Variants in LRRC69 observed in about 807,000 individuals in gnomAD.
LRRC69 encodes leucine rich repeat containing 69.
In LRRC69, 42 loss-of-function variants were observed where a neutral mutation model predicts 37.8. The ratio of observed to expected loss-of-function variants is 1.11; its 90% CI spans 0.87 to 1.44. The LOEUF (loss-of-function observed/expected upper bound fraction) is 1.44, where lower values mean the gene tolerates loss of function less well. Among genes scored for constraint, LRRC69 ranks in the 40% most tolerant of loss-of-function variants. The pLI, the probability that LRRC69 is intolerant of heterozygous loss-of-function variation, is 0.00. For missense variants in LRRC69, 357 were observed against 401.9 expected (o/e 0.89, Z 0.96); for synonymous variants, 141 against 143.1 (o/e 0.99, Z 0.11).
At chr8:91,128,236 G>A (rs1453630717) in intron 3 of LRRC69, among the ~76,000 whole-genome samples, 1 of 151,902 alleles carries the variant, frequency 6.6e-6, no homozygotes. Flanking sequence ...TTGAACTGCT[G>A]CCTTCTCATC....
In LRRC69 at chr8:91,203,190, G is replaced by A. The variant is rs1563624431; in HGVS notation, c.933+2398G>A. ...CTGTTAGGCATGCTGGGAAGTCTAG[G>A]ACTCATTGTTAGCTGTGAGTGTGTG... On this transcript the variant is annotated intron_variant, in intron 7 of 7. Transcript: ENST00000448384. Among the ~76,000 whole-genome samples, 6 of 152,008 alleles carry A rather than the reference G, an allele frequency of 3.9e-5. No homozygotes were observed. In the South Asian group the frequency reaches 1.0e-3, roughly 26 times the overall value.
At chr8:91,215,452 A>G (rs1310025320) in intron 7 of LRRC69, among the ~76,000 whole-genome samples, 2 of 152,314 alleles carry the variant, frequency 1.3e-5, no homozygotes, top group South Asian at 4.1e-4. Context: ...CAATTCTACC[A>G]TTCAACAAAC....
chr8:91,212,040 T>C lies in LRRC69; in HGVS notation c.934-6850T>C, dbSNP rs112148369. 4.2e-3 allele frequency among the ~76,000 whole-genome samples: 634 copies of C among 152,286 alleles called. 2 individuals carry two copies. Among genetic ancestry groups the C allele is most frequent in the African/African-American group, 0.014 (597 of 41,576 alleles). Reference sequence around the variant, plus strand: ...TGATCATAATTAATCCAGATGCTTTTGTCTTTTTCTAAATGCTATAGTTCT... The same window carrying C: ...TGATCATAATTAATCCAGATGCTTTCGTCTTTTTCTAAATGCTATAGTTCT... On this transcript the variant is annotated intron_variant, in intron 7 of 7. Transcript: ENST00000448384.
chr8:91,176,134 A>ATATATCTATTTTT, intron 5 of LRRC69, among the ~76,000 whole-genome samples: 1 of 75,702 alleles, frequency 1.3e-5, no homozygotes, highest in Non-Finnish European at 2.4e-5. Flanking sequence ...ATATATATAT[A>ATATATCTATTTTT]TTTTTTTTTT....
chr8:91,148,713 T>C (rs371102860), intron 5 of LRRC69, among the ~76,000 whole-genome samples: 10 of 151,966 alleles, frequency 6.6e-5, no homozygotes, highest in African/African-American at 9.7e-5. Context: ...TGTAAAAGCG[T>C]TCCTATTTCT....
At chr8:91,181,585 A>G (rs1809325858) in intron 5 of LRRC69, among the ~76,000 whole-genome samples, 1 of 152,188 alleles carries the variant, frequency 6.6e-6, no homozygotes, top group African/African-American at 2.4e-5. Flanking sequence ...TCAATTACAC[A>G]AAGACAATTT....
At chr8:91,163,798 G>T (rs1179663964) in intron 5 of LRRC69, among the ~76,000 whole-genome samples, 2 of 135,834 alleles carry the variant, frequency 1.5e-5, no homozygotes, top group Non-Finnish European at 3.5e-5. Context: ...AAAATTAAAA[G>T]ATTATAGTTT....
At chr8:91,188,194 C>T (rs1809435745) in intron 5 of LRRC69, among the ~76,000 whole-genome samples, 1 of 152,232 alleles carries the variant, frequency 6.6e-6, no homozygotes, top group South Asian at 2.1e-4. Context: ...TAGACTTGAG[C>T]TTTGTATTTT....
intron 1 of LRRC69, among the ~76,000 whole-genome samples, chr8:91,105,659 C>CAAAAA (rs11407238): frequency 9.0e-6 from 1 of 110,580 alleles, no homozygotes; most frequent in African/African-American, 3.4e-5. Flanking sequence ...GATTCTGTCT[C>CAAAAA]AAAAAAAAAA....
exon 8 of LRRC69, chr8:91,218,906 A>G: frequency 1.3e-6 from 2 of 1,548,984 alleles, no homozygotes; most frequent in Non-Finnish European, 1.7e-6. Flanking sequence ...AAGATAAGCA[A>G]GAATCTGAAG....
intron 5 of LRRC69, among the ~76,000 whole-genome samples, chr8:91,152,733 C>T (rs1808763398): frequency 6.6e-6 from 1 of 151,324 alleles, no homozygotes; most frequent in Non-Finnish European, 1.5e-5. Context: ...TGGCCATTTT[C>T]ACAATATTGA....
chr8:91,192,981 A>G (rs191835239), intron 6 of LRRC69, among the ~76,000 whole-genome samples: 11 of 152,126 alleles, frequency 7.2e-5, no homozygotes, highest in Non-Finnish European at 1.5e-4. Flanking sequence ...ACGGTTTTAG[A>G]TCTAACGTTT....
chr8:91,140,091 C>CAAA (rs560827789), intron 5 of LRRC69, among the ~76,000 whole-genome samples: 2 of 114,984 alleles, frequency 1.7e-5, no homozygotes, highest in African/African-American at 3.3e-5. Context: ...AACTCCGTCT[C>CAAA]AAAAAAAAAA....
chr8:91,183,752 G>A (rs1047208264), intron 5 of LRRC69, among the ~76,000 whole-genome samples: 1 of 152,154 alleles, frequency 6.6e-6, no homozygotes, highest in African/African-American at 2.4e-5. Flanking sequence ...TGGAATTGTT[G>A]GCAACAACTG....
chr8:91,186,788 GAGA>G (rs1809415847), intron 5 of LRRC69, among the ~76,000 whole-genome samples: 1 of 152,112 alleles, frequency 6.6e-6, no homozygotes. Flanking sequence ...CCAGGAGTAG[GAGA>G]AGATTGTGTG....
intron 7 of LRRC69, among the ~76,000 whole-genome samples, chr8:91,212,541 T>C (rs1809950212): frequency 1.3e-5 from 2 of 152,220 alleles, no homozygotes; most frequent in Non-Finnish European, 2.9e-5. Context: ...TAATTCCTTT[T>C]TTATGACAAG....
At chr8:91,137,578 T>C (rs1337389747) in intron 5 of LRRC69, among the ~76,000 whole-genome samples, 1 of 152,076 alleles carries the variant, frequency 6.6e-6, no homozygotes, top group Non-Finnish European at 1.5e-5. Context: ...TATGAAGTGA[T>C]TCTGTACTTA....
intron 5 of LRRC69, among the ~76,000 whole-genome samples, chr8:91,171,313 A>ATG (rs1211807254): frequency 2.0e-5 from 3 of 151,892 alleles, no homozygotes; most frequent in Non-Finnish European, 4.4e-5. Context: ...TTCCATGTAT[A>ATG]CATTTATATT....
At chr8:91,209,836 C>G (rs185465000) in intron 7 of LRRC69, among the ~76,000 whole-genome samples, 90 of 152,254 alleles carry the variant, frequency 5.9e-4, no homozygotes, top group African/African-American at 1.9e-3. Context: ...AGGTTTTAAA[C>G]AACTAGAAGA....
Sources: gnomAD v4.1 joint callset for allele counts (sites outside exome capture counted in the v4.1 genomes callset) on GRCh38, gnomAD v4.1.1 for gene constraint, MANE v1.5 for transcripts, NCBI Gene and HGNC (gene_info 2026-07-23, HGNC 2026-07-21) for gene names.